The following RAB27A variants were observed in gnomAD, a reference collection of about 807,000 sequenced individuals.
The protein encoded by RAB27A is RAB27A, member RAS oncogene family.
In RAB27A, 17 loss-of-function variants were observed where a neutral mutation model predicts 20.8. The observed-to-expected ratio is 0.82, with a 90% CI of 0.56 to 1.23. The LOEUF (loss-of-function observed/expected upper bound fraction) is 1.23, where lower values mean the gene tolerates loss of function less well. Among genes scored for constraint, RAB27A ranks in the 50% most tolerant of loss-of-function variants. The probability of loss-of-function intolerance (pLI) is 0.00; values close to 1 mark genes in which losing one functional copy is unlikely to be tolerated. For synonymous variants in RAB27A, 85 were observed against 92.8 expected, an observed-to-expected ratio of 0.92 and a Z score of 0.48; for missense variants, 277 against 266.7, an observed-to-expected ratio of 1.04 and a Z score of -0.27.
chr15:55,308,652 TTTC>T (rs1388131864), intron 2 of RAB27A, among the ~76,000 whole-genome samples: 2 of 152,240 alleles, frequency 1.3e-5, no homozygotes, highest in Non-Finnish European at 2.9e-5. Context: ...TGTTCTATCT[TTTC>T]TTCATTGTCC....
chr15:55,206,371 T>C (rs1025241689), intron 6 of RAB27A: 6 of 505,448 alleles, frequency 1.2e-5, no homozygotes, highest in African/African-American at 1.0e-4. Flanking sequence ...TTTTTTGTTT[T>C]GAGACAGAGT....
chr15:55,209,841 T>TACACATATGTGTATATATACGTATATAC, intron 6 of RAB27A, among the ~76,000 whole-genome samples: 1 of 112,824 alleles, frequency 8.9e-6, no homozygotes, highest in African/African-American at 4.1e-5. Context: ...TATATGTGTG[T>TACACATATGTGTATATATACGTATATAC]ACACATATAT....
chr15:55,296,927 T>G (rs931781811), intron 2 of RAB27A, among the ~76,000 whole-genome samples: 1 of 152,116 alleles, frequency 6.6e-6, no homozygotes, highest in African/African-American at 2.4e-5. Flanking sequence ...TGGGCCCATA[T>G]CCCAGGGCAC....
At chr15:55,227,088 A>G (rs1353628543) in intron 5 of RAB27A, among the ~76,000 whole-genome samples, 1 of 152,196 alleles carries the variant, frequency 6.6e-6, no homozygotes, top group Non-Finnish European at 1.5e-5. Context: ...AATACGTATA[A>G]GTGTTCTTTA....
upstream of RAB27A, among the ~76,000 whole-genome samples, chr15:55,290,878 C>T (rs1245954522): frequency 6.6e-6 from 1 of 152,250 alleles, no homozygotes. Context: ...AGCTTCCCTT[C>T]TGCCTTCTAA....
At chr15:55,289,127 G>A (rs574174848) in intron 1 of RAB27A, 10 of 152,416 alleles carry the variant, frequency 6.6e-5, no homozygotes, top group African/African-American at 2.4e-4. Context: ...CTTCAGGCCT[G>A]ACTTTGCTGA....
At chr15:55,317,496 G>C (rs1186214920) in intron 1 of RAB27A, 1 of 319,466 alleles carries the variant, frequency 3.1e-6, no homozygotes, top group Non-Finnish European at 5.7e-6. Flanking sequence ...TGTATTTTCA[G>C]TAGAGACAGG....
intron 5 of RAB27A, among the ~76,000 whole-genome samples, chr15:55,225,442 G>A (rs1895759105): frequency 6.6e-6 from 1 of 152,184 alleles, no homozygotes; most frequent in Non-Finnish European, 1.5e-5. Context: ...TAAAGACTGT[G>A]AGCCACCAGC....
At chr15:55,214,414 C>T (rs1020725794) in intron 6 of RAB27A, among the ~76,000 whole-genome samples, 5 of 152,132 alleles carry the variant, frequency 3.3e-5, no homozygotes, top group South Asian at 4.1e-4. Context: ...CCAGCCTGGG[C>T]GACAGAGCGA....
intron 2 of RAB27A, among the ~76,000 whole-genome samples, chr15:55,306,379 A>C (rs908200573): frequency 1.3e-5 from 2 of 152,178 alleles, no homozygotes; most frequent in African/African-American, 4.8e-5. Flanking sequence ...GGGTGGTATT[A>C]AATAGGCTTA....
chr15:55,264,438 T>C (rs1021397486), intron 2 of RAB27A, among the ~76,000 whole-genome samples: 2 of 152,166 alleles, frequency 1.3e-5, no homozygotes, highest in South Asian at 4.1e-4. Context: ...CTAGAATAGA[T>C]GGGGATCTGT....
At chr15:55,250,912 A>G (rs546375936) in intron 2 of RAB27A, among the ~76,000 whole-genome samples, 1 of 152,334 alleles carries the variant, frequency 6.6e-6, no homozygotes, top group African/African-American at 2.4e-5. Flanking sequence ...GCACCCCAAC[A>G]TATAAAACAG....
chr15:55,303,104 G>T (rs2054980785), intron 2 of RAB27A, among the ~76,000 whole-genome samples: 1 of 136,170 alleles, frequency 7.3e-6, no homozygotes, highest in African/African-American at 2.8e-5. Context: ...CCCCCCGCCT[G>T]GCCAGCCGTG....
intron 2 of RAB27A, among the ~76,000 whole-genome samples, chr15:55,251,720 G>T (rs940022077): frequency 1.3e-5 from 2 of 152,082 alleles, no homozygotes; most frequent in Non-Finnish European, 2.9e-5. Context: ...AGCACAGAAG[G>T]GAATAAAGAG....
intron 3 of RAB27A, among the ~76,000 whole-genome samples, chr15:55,232,627 T>A (rs1014368568): frequency 2.6e-5 from 4 of 152,074 alleles, no homozygotes; most frequent in African/African-American, 9.7e-5. Context: ...AAGACAAAAC[T>A]GAGAAAAGTC....
In RAB27A at chr15:55,215,945, C is replaced by CAAAA. The variant is rs1162706734; in HGVS notation, c.467+7940_467+7943dup. 2.5e-3 allele frequency among the ~76,000 whole-genome samples: 130 copies of CAAAA among 52,416 alleles called. 2 individuals carry two copies. The highest frequency in any genetic ancestry group is 5.0e-3 in the African/African-American group (71 of 14,290). 34.4% of individuals were successfully genotyped at this position (52,416 alleles called of 152,430 possible). ...TGGGCAACAGAGGGAGACGCCGTCT[C>CAAAA]AAAAAAAAAAAAAAAAAAAAAAAGA... On this transcript the variant is annotated intron_variant, in intron 6 of 6. Transcript: ENST00000336787.
chr15:55,313,988 A>T (rs2055032382), intron 2 of RAB27A: 1 of 154,060 alleles, frequency 6.5e-6, no homozygotes, highest in African/African-American at 2.5e-5. Context: ...ATAAATAAAT[A>T]AATAAATAAA....
intron 6 of RAB27A, among the ~76,000 whole-genome samples, chr15:55,210,412 G>T (rs1375718224): frequency 7.0e-4 from 89 of 127,998 alleles, no homozygotes; most frequent in African/African-American, 2.0e-3. Flanking sequence ...TTTAGGTGTG[G>T]TTTTTTTTTT....
intron 2 of RAB27A, among the ~76,000 whole-genome samples, chr15:55,302,360 T>G (rs1459457438): frequency 1.3e-5 from 2 of 151,738 alleles, no homozygotes; most frequent in South Asian, 4.2e-4. Context: ...GCAGACGGAG[T>G]CTCGTTCACT....
Sources: gnomAD v4.1 joint callset for allele counts (sites outside exome capture counted in the v4.1 genomes callset) on GRCh38, gnomAD v4.1.1 for gene constraint, MANE v1.5 for transcripts, NCBI Gene and HGNC (gene_info 2026-07-23, HGNC 2026-07-21) for gene names.